Variants in NKAIN3 observed in about 807,000 individuals in gnomAD.
NKAIN3 encodes sodium/potassium transporting ATPase interacting 3.
In NKAIN3, 25 loss-of-function variants were observed where a neutral mutation model predicts 30.2. That is an observed-to-expected ratio of 0.83 (90% confidence interval 0.60 to 1.16). The LOEUF is 1.16. NKAIN3 is among the 50% of genes most tolerant of loss of function. The pLI, the probability that NKAIN3 is intolerant of heterozygous loss-of-function variation, is 0.00. For synonymous variants in NKAIN3, 91 were observed against 89.6 expected (o/e 1.02, Z -0.09); for missense variants, 225 against 254.1 (o/e 0.89, Z 0.78).
At chr8:62,821,055 T>C (rs1818834178) in intron 4 of NKAIN3, among the ~76,000 whole-genome samples, 1 of 152,192 alleles carries the variant, frequency 6.6e-6, no homozygotes, top group Non-Finnish European at 1.5e-5. Context: ...TTGCATCTTA[T>C]AACAATGAGC....
intron 1 of NKAIN3, among the ~76,000 whole-genome samples, chr8:62,288,430 C>A (rs948162266): frequency 1.3e-5 from 2 of 152,080 alleles, no homozygotes; most frequent in African/African-American, 4.8e-5. Flanking sequence ...TGTGATGTTC[C>A]CCACCCTGTG....
chr8:62,498,215 T>C (rs1359941301), intron 1 of NKAIN3, among the ~76,000 whole-genome samples: 2 of 152,132 alleles, frequency 1.3e-5, no homozygotes, highest in African/African-American at 2.4e-5. Flanking sequence ...GATAGTGGAC[T>C]GTGACACTTG....
chr8:62,863,442 TA>T (rs1820317729), intron 4 of NKAIN3: 1 of 1,555,230 alleles, frequency 6.4e-7, no homozygotes, highest in African/African-American at 1.4e-5. Flanking sequence ...TCTTACTGTG[TA>T]GATATTCTAA....
chr8:62,883,462 T>G (rs1405751029), intron 4 of NKAIN3, among the ~76,000 whole-genome samples: 10 of 144,416 alleles, frequency 6.9e-5, no homozygotes, highest in Admixed American at 1.4e-4. Context: ...TATGGGTTTT[T>G]TTTTTTTTTT....
At chr8:62,640,100 AG>A (rs958759420) in intron 3 of NKAIN3, among the ~76,000 whole-genome samples, 1 of 152,134 alleles carries the variant, frequency 6.6e-6, no homozygotes, top group African/African-American at 2.4e-5. Flanking sequence ...AGTTTCTCAA[AG>A]GTGGAATCCC....
chr8:62,812,978 T>C (rs896145260), intron 4 of NKAIN3, among the ~76,000 whole-genome samples: 7 of 151,962 alleles, frequency 4.6e-5, no homozygotes, highest in African/African-American at 1.7e-4. Context: ...TTCCTCTAGG[T>C]TCATTTTTCT....
chr8:62,839,535 A>T (rs1819469260), intron 4 of NKAIN3, among the ~76,000 whole-genome samples: 1 of 152,162 alleles, frequency 6.6e-6, no homozygotes, highest in African/African-American at 2.4e-5. Flanking sequence ...AAATAAATGA[A>T]ATCAGAAGTT....
chr8:62,573,261 C>T (rs1810004008), intron 1 of NKAIN3, among the ~76,000 whole-genome samples: 2 of 152,102 alleles, frequency 1.3e-5, no homozygotes, highest in Non-Finnish European at 1.5e-5. Context: ...CAATTTGATT[C>T]TTAAAGGTGT....
chr8:62,565,365 C>T (rs77661946), intron 1 of NKAIN3, among the ~76,000 whole-genome samples: 16 of 149,840 alleles, frequency 1.1e-4, no homozygotes, highest in East Asian at 5.9e-4. Flanking sequence ...TACGTGTGTG[C>T]GTGTGTGTGT....
chr8:62,895,459 C>T (rs1821403909), intron 4 of NKAIN3, among the ~76,000 whole-genome samples: 1 of 152,198 alleles, frequency 6.6e-6, no homozygotes, highest in African/African-American at 2.4e-5. Flanking sequence ...TTCTCCAAGT[C>T]TACTGAATCA....
At chr8:62,322,686 G>T (rs1814976642) in intron 1 of NKAIN3, among the ~76,000 whole-genome samples, 1 of 152,148 alleles carries the variant, frequency 6.6e-6, no homozygotes, top group South Asian at 2.1e-4. Flanking sequence ...AAGTTGTAAA[G>T]ATCTTGTAAA....
At chr8:62,281,652 C>T (rs1052860358) in intron 1 of NKAIN3, among the ~76,000 whole-genome samples, 1 of 152,236 alleles carries the variant, frequency 6.6e-6, no homozygotes, top group Non-Finnish European at 1.5e-5. Context: ...CATTCAGGAG[C>T]AGGTTGTTCA....
intron 1 of NKAIN3, among the ~76,000 whole-genome samples, chr8:62,557,954 T>G (rs747228458): frequency 2.6e-5 from 4 of 152,176 alleles, no homozygotes; most frequent in Non-Finnish European, 5.9e-5. Context: ...GCATTTGCTT[T>G]TGAGTTCTTG....
rs1824000940 is a variant in NKAIN3 at position 62,978,604 on chromosome 8, TG to T, written c.*13198del. The T allele has an allele frequency of 6.6e-6, 1 of 152,552 alleles. No homozygotes were observed. The highest frequency in any genetic ancestry group is 6.5e-5 in the Admixed American group (1 of 15,304). The allele number at this position is 152,552 out of a possible 1,614,324, so 9.4% of individuals were successfully genotyped here. A position where few individuals can be genotyped will look rare whatever the true frequency, so the allele number is the denominator to read the frequency against. On this transcript the variant is annotated 3_prime_UTR_variant, in exon 7 of 7. Coordinates refer to ENST00000623646, the MANE Select transcript of NKAIN3 (RefSeq NM_001304533.3). ...GCATCCCAGGTCTACTTCAGACTGC[TG>T]TGCTGGAAGTAAGAATTTCAATCCA...
At chr8:62,863,813 T>C (rs1820332877) in intron 4 of NKAIN3, 2 of 1,611,324 alleles carry the variant, frequency 1.2e-6, no homozygotes, top group Admixed American at 3.3e-5. Flanking sequence ...AATAACATGA[T>C]ACCGGCCATT....
intron 3 of NKAIN3, among the ~76,000 whole-genome samples, chr8:62,626,801 G>C: frequency 6.6e-6 from 1 of 152,102 alleles, no homozygotes; most frequent in East Asian, 1.9e-4. Context: ...ATTCACTTTT[G>C]CTGAATGCAC....
intron 1 of NKAIN3, among the ~76,000 whole-genome samples, chr8:62,268,299 A>G (rs565446342): frequency 5.3e-5 from 8 of 152,280 alleles, no homozygotes; most frequent in African/African-American, 1.9e-4. Context: ...GTCTGGAGAG[A>G]AAGACTGTCC....
chr8:62,895,582 A>C (rs1821406874), intron 4 of NKAIN3, among the ~76,000 whole-genome samples: 1 of 152,194 alleles, frequency 6.6e-6, no homozygotes, highest in South Asian at 2.1e-4. Context: ...AAAGCTTGAG[A>C]GTCTGTTAGG....
At chr8:62,619,408 A>G (rs1465321911) in intron 3 of NKAIN3, among the ~76,000 whole-genome samples, 1 of 152,162 alleles carries the variant, frequency 6.6e-6, no homozygotes, top group Admixed American at 6.5e-5. Context: ...TCTAATCATA[A>G]CCCAGACATT....
Sources: gnomAD v4.1 joint callset for allele counts (sites outside exome capture counted in the v4.1 genomes callset) on GRCh38, gnomAD v4.1.1 for gene constraint, MANE v1.5 for transcripts, NCBI Gene and HGNC (gene_info 2026-07-23, HGNC 2026-07-21) for gene names.